Variants in UCKL1 observed in about 807,000 individuals in gnomAD.
UCKL1 encodes the protein uridine-cytidine kinase-like 1.
UCKL1 carries 65 observed loss-of-function variants against 59.2 expected under a neutral mutation model. That is an observed-to-expected ratio of 1.10 (90% CI 0.90 to 1.35). UCKL1 has a LOEUF of 1.35. UCKL1 is among the 40% of genes most tolerant of loss of function. The pLI is 0.00. For synonymous variants in UCKL1, 410 were observed against 323.1 expected, an observed-to-expected ratio of 1.27 and a Z score of -2.88; for missense variants, 703 against 784.3, an observed-to-expected ratio of 0.90 and a Z score of 1.24.
chr20:63,946,907 G>A (rs190163901), intron 1 of UCKL1, among the ~76,000 whole-genome samples: 207 of 151,902 alleles, frequency 1.4e-3, no homozygotes, highest in Admixed American at 2.9e-3. Context: ...GTGAAGACCC[G>A]TCTCTACTAA....
At chr20:63,949,758 C>T (rs968626847) in intron 1 of UCKL1, among the ~76,000 whole-genome samples, 1 of 152,224 alleles carries the variant, frequency 6.6e-6, no homozygotes, top group African/African-American at 2.4e-5. Context: ...GAGGAAGCCC[C>T]GACACAATCT....
chr20:63,940,731 G>T lies in UCKL1; in HGVS notation c.1180-15C>A. On this transcript the variant is annotated splice_polypyrimidine_tract_variant and intron_variant, in intron 11 of 14. Transcript: ENST00000354216. ...ACACCGGTGATCTGCGGGGAGGGGA[G>T]GCTAAGCGCCCACATCCCGCCCCAG... The T allele has an allele frequency of 1.2e-6, 2 of 1,607,090 alleles. No homozygotes were observed. The highest frequency in any genetic ancestry group is 8.5e-7 in the Non-Finnish European group (1 of 1,178,146).
At chr20:63,941,473 C>T (rs778143936) in intron 8 of UCKL1, 1 of 522,794 alleles carries the variant, frequency 1.9e-6, no homozygotes, top group Non-Finnish European at 3.6e-6. Context: ...CTGTGAGGGC[C>T]CCTCCCAGTG....
At chr20:63,956,037 T>C in intron 1 of UCKL1, 1 of 425,406 alleles carries the variant, frequency 2.4e-6, no homozygotes, top group Non-Finnish European at 4.2e-6. Context: ...CCGGACTCCT[T>C]CCCCGAGCCC....
chr20:63,940,955 A>C lies in UCKL1; in HGVS notation c.1111T>G (p.Phe371Val), dbSNP rs1192478310. Residue 371 changes from phenylalanine (F) to valine (V), a missense_variant, in exon 10 of 15, where the codon TTT (phenylalanine) becomes GTT (valine). This residue lies in a region of UCKL1 where 156 missense variants were observed against 185.6 expected (regional missense o/e 0.84). Transcript: ENST00000354216. ...GCGGGCTACGGGCTACGAACCTGAA[A>C]GGGCAGGAAGGAGAGCGCGTGCTCG... The part of the protein sequence containing the change: ...LIEHALSFLP[F>V]QDCVVQTPQG... 1.3e-6 allele frequency: 2 copies of C among 1,520,518 alleles called. No individual in the cohort carries two copies. The highest frequency in any genetic ancestry group is 1.8e-6 in the Non-Finnish European group (2 of 1,132,808). 94.2% of individuals were successfully genotyped at this position (1,520,518 alleles called of 1,614,324 possible). A position where few individuals can be genotyped will look rare whatever the true frequency, so the allele number is the denominator to read the frequency against.
At chr20:63,943,532 C>T (rs564117927) in intron 8 of UCKL1, 121 bp downstream of exon 8, 2 of 1,463,194 alleles carry the variant, frequency 1.4e-6, no homozygotes, top group African/African-American at 1.4e-5. Flanking sequence ...GACCACTCCA[C>T]ACCACCCCTT....
intron 1 of UCKL1, chr20:63,955,524 G>A (rs537187078): frequency 6.6e-6 from 1 of 152,264 alleles, no homozygotes; most frequent in Non-Finnish European, 1.5e-5. Context: ...CCTGAACCCA[G>A]GCAAGAGGCG....
At position 63,945,661 on chromosome 20, in the gene UCKL1, G is replaced by A. The variant is rs527561121; in HGVS notation, c.644C>T (p.Thr215Ile). The change falls in exon 5 of 15, where the codon ACA (threonine) becomes ATA (isoleucine). Residue 215 changes from threonine (T) to isoleucine (I), a missense_variant. Physicochemically the swap from Thr to Ile is moderately conservative, Grantham distance 89. Transcript: ENST00000354216. ...CCGGCGGGTGCTTACCTCCAACAGT[G>A]TCTTGTCAGCAAAGGCCATGATGCC... ...FEGIMAFADK[T>I]LLELLDMKIF... 4.3e-6 allele frequency: 7 copies of A among 1,612,992 alleles called. No homozygotes were observed. The highest frequency in any genetic ancestry group is 5.9e-6 in the Non-Finnish European group (7 of 1,179,854).
intron 1 of UCKL1, chr20:63,956,052 G>A (rs148704691): frequency 5.3e-5 from 24 of 450,384 alleles, no homozygotes; most frequent in East Asian, 3.4e-4. Flanking sequence ...GAGCCCCGAG[G>A]AGCCTGCCGG....
chr20:63,944,328 G>A, intron 7 of UCKL1, 69 bp downstream of exon 7: 1 of 1,423,092 alleles, frequency 7.0e-7, no homozygotes, highest in Non-Finnish European at 9.5e-7. Context: ...GGCCACTGGG[G>A]GTGGTGGCAG....
Position 63,941,109 on chromosome 20 carries a change from C to A in UCKL1, c.1022+1G>T. 3 of 1,599,352 alleles carry A rather than the reference C, an allele frequency of 1.9e-6. No individual in the cohort carries two copies. Among genetic ancestry groups the A allele is most frequent in the Non-Finnish European group, 2.6e-6 (3 of 1,175,110 alleles). On this transcript the variant is annotated splice_donor_variant, in intron 9 of 14. Coordinates refer to ENST00000354216, the MANE Select transcript of UCKL1 (RefSeq NM_017859.4). LOFTEE classifies it high-confidence loss of function. ...CGCCCCGTCCCCAGGTGGGCCCTCA[C>A]CTGATGATGGTGTGCATGCCCCGTA...
At position 63,939,857 on chromosome 20, in the gene UCKL1, A is replaced by G; in HGVS notation, c.*119T>C. The G allele has an allele frequency of 3.3e-6, 3 of 908,528 alleles. No individual in the cohort carries two copies. The highest frequency in any genetic ancestry group is 3.3e-5 in the African/African-American group (2 of 59,726). 56.3% of individuals were successfully genotyped at this position (908,528 alleles called of 1,614,324 possible). On this transcript the variant is annotated 3_prime_UTR_variant, in exon 15 of 15. Transcript: ENST00000354216. ...ATTTTTCTAAAGCTTTATTTATTTT[A>G]TAAAATGCATAGAATAAATTATACT... is the stretch of plus-strand genomic sequence containing the variant.
chr20:63,941,247 C>A, intron 8 of UCKL1, 39 bp from the exon 9 acceptor site: 1 of 1,461,852 alleles, frequency 6.8e-7, no homozygotes, highest in East Asian at 2.5e-5. Flanking sequence ...AGAAGGGGGT[C>A]TTTTCCCAGA....
intron 1 of UCKL1, among the ~76,000 whole-genome samples, chr20:63,949,384 G>A (rs914143657): frequency 1.3e-5 from 2 of 152,218 alleles, no homozygotes; most frequent in East Asian, 1.9e-4. Flanking sequence ...CAGCTGGAAT[G>A]GGACCTGCAC....
At chr20:63,942,721 C>T (rs1439358161) in intron 8 of UCKL1, 1 of 491,864 alleles carries the variant, frequency 2.0e-6, no homozygotes, top group East Asian at 6.3e-5. Flanking sequence ...CAGGCCAACA[C>T]TTCCTTGGCT....
intron 1 of UCKL1, chr20:63,951,308 G>GAATGT: frequency 1.6e-6 from 1 of 620,426 alleles, no homozygotes; most frequent in Non-Finnish European, 2.0e-6. Context: ...TGGCACATTC[G>GAATGT]GCCAGCCTAG....
intron 1 of UCKL1, among the ~76,000 whole-genome samples, chr20:63,953,108 G>T (rs938468441): frequency 6.6e-6 from 1 of 152,224 alleles, no homozygotes; most frequent in Admixed American, 6.5e-5. Context: ...AGCTGGGCAC[G>T]GTGGCACATG....
intron 5 of UCKL1, 40 bp downstream of exon 5, chr20:63,945,611 T>C: frequency 6.3e-7 from 1 of 1,593,330 alleles, no homozygotes; most frequent in Non-Finnish European, 8.6e-7. Flanking sequence ...CGGCCAGGGC[T>C]GAGATACCAG....
intron 7 of UCKL1, 142 bp downstream of exon 7, chr20:63,944,255 G>A (rs1215850973): frequency 2.5e-6 from 2 of 810,358 alleles, no homozygotes; most frequent in Non-Finnish European, 3.9e-6. Flanking sequence ...GGCCAAGCAG[G>A]CTCAGGACAC....
Sources: gnomAD v4.1 joint callset for allele counts (sites outside exome capture counted in the v4.1 genomes callset) on GRCh38, gnomAD v4.1.1 for gene constraint, gnomAD v4.1.1 regional missense constraint, MANE v1.5 for transcripts, NCBI Gene and HGNC (gene_info 2026-07-23, HGNC 2026-07-21) for gene names.